The following SRPK2 variants were observed in gnomAD, a reference collection of about 807,000 sequenced individuals.
SRPK2 encodes the protein SRSF protein kinase 2, also known as SFRS protein kinase 2.
A neutral mutation model predicts 90.8 loss-of-function variants in SRPK2; 21 were observed. The ratio of observed to expected loss-of-function variants is 0.23; its 90% confidence interval spans 0.16 to 0.33. The LOEUF is 0.33. Among genes scored for constraint, SRPK2 ranks in the 10% least tolerant of loss-of-function variants. The pLI is 1.00. For synonymous variants in SRPK2, 288 were observed against 311.1 expected (o/e 0.93, Z 0.78); for missense variants, 620 against 869.0 (o/e 0.71, Z 3.60).
At chr7:105,354,936 C>T (rs1817615381) in intron 2 of SRPK2, among the ~76,000 whole-genome samples, 1 of 152,124 alleles carries the variant, frequency 6.6e-6, no homozygotes, top group Non-Finnish European at 1.5e-5. Flanking sequence ...CATAAATCTA[C>T]TTTCTGTCTC....
chr7:105,199,310 A>G (rs1259710064), intron 3 of SRPK2, among the ~76,000 whole-genome samples: 1 of 152,048 alleles, frequency 6.6e-6, no homozygotes, highest in African/African-American at 2.4e-5. Context: ...ATTTTTTTTT[A>G]ATTGTATTTT....
At chr7:105,210,256 A>G (rs1254286688) in intron 2 of SRPK2, among the ~76,000 whole-genome samples, 1 of 152,220 alleles carries the variant, frequency 6.6e-6, no homozygotes, top group Non-Finnish European at 1.5e-5. Context: ...AATCAAACAT[A>G]AAGAAAAGGA....
intron 2 of SRPK2, among the ~76,000 whole-genome samples, chr7:105,347,062 C>CTT (rs540861532): frequency 2.7e-4 from 38 of 140,286 alleles, no homozygotes; most frequent in South Asian, 4.6e-4. Flanking sequence ...GATAGACTGG[C>CTT]TTTTTTTTTT....
chr7:105,247,533 C>CACACACACACATAA (rs1801859839), intron 2 of SRPK2, among the ~76,000 whole-genome samples: 1 of 94,382 alleles, frequency 1.1e-5, no homozygotes, highest in South Asian at 3.2e-4. Context: ...CACACATAAA[C>CACACACACACATAA]ACACACACAC....
At chr7:105,115,275 T>C (rs1274326306), downstream of SRPK2, 2 of 152,244 alleles carry the variant, frequency 1.3e-5, no homozygotes, top group African/African-American at 4.8e-5. Context: ...AATGGAAAGT[T>C]TCCTTACTTT....
chr7:105,320,079 T>G (rs775557075), intron 2 of SRPK2, among the ~76,000 whole-genome samples: 4 of 152,224 alleles, frequency 2.6e-5, no homozygotes, highest in Admixed American at 6.5e-5. Flanking sequence ...TATTAAATCT[T>G]CACACAGTTA....
intron 2 of SRPK2, among the ~76,000 whole-genome samples, chr7:105,382,215 G>C (rs1225917782): frequency 6.6e-6 from 1 of 150,480 alleles, no homozygotes; most frequent in Non-Finnish European, 1.5e-5. Flanking sequence ...TTTAGCCTGT[G>C]AATAAACTGT....
intron 2 of SRPK2, among the ~76,000 whole-genome samples, chr7:105,254,468 C>T (rs1216528207): frequency 6.6e-6 from 1 of 152,180 alleles, no homozygotes; most frequent in Admixed American, 6.5e-5. Context: ...AAGACTCAAT[C>T]AATAAAATTA....
chr7:105,264,996 A>G (rs1186027631), intron 2 of SRPK2, among the ~76,000 whole-genome samples: 2 of 152,214 alleles, frequency 1.3e-5, no homozygotes, highest in Non-Finnish European at 2.9e-5. Context: ...AGAAATAGCA[A>G]TAAAGTTTGA....
At chr7:105,248,881 G>A (rs1451900004) in intron 2 of SRPK2, among the ~76,000 whole-genome samples, 3 of 150,096 alleles carry the variant, frequency 2.0e-5, no homozygotes, top group Non-Finnish European at 4.4e-5. Flanking sequence ...AGCCGAGATC[G>A]TGCCACTGCA....
chr7:105,259,400 A>G (rs551004635), intron 2 of SRPK2, among the ~76,000 whole-genome samples: 11 of 152,374 alleles, frequency 7.2e-5, no homozygotes, highest in Non-Finnish European at 1.6e-4. Context: ...AACAAATGGA[A>G]AAAACATTCC....
intron 13 of SRPK2, among the ~76,000 whole-genome samples, chr7:105,130,803 CA>C (rs397976737): frequency 0.021 from 2,655 of 128,542 alleles, 83 homozygotes; most frequent in African/African-American, 0.068. Context: ...TGCCCCTTTC[CA>C]AAAAAAAAAA....
At chr7:105,157,973 G>T (rs1212462938) in intron 7 of SRPK2, among the ~76,000 whole-genome samples, 1 of 152,180 alleles carries the variant, frequency 6.6e-6, no homozygotes, top group Non-Finnish European at 1.5e-5. Context: ...GGCTGAGGTG[G>T]GAGGATCACT....
chr7:105,244,395 C>G (rs1801277641), intron 2 of SRPK2, among the ~76,000 whole-genome samples: 11 of 152,180 alleles, frequency 7.2e-5, no homozygotes. Flanking sequence ...CATGGTGAAA[C>G]CCTGTGTCTA....
intron 2 of SRPK2, among the ~76,000 whole-genome samples, chr7:105,288,061 TCTG>T (rs1226462347): frequency 2.0e-5 from 3 of 152,132 alleles, no homozygotes; most frequent in Non-Finnish European, 4.4e-5. Context: ...AAAGCAATGC[TCTG>T]TTGGGATTCT....
At chr7:105,264,160 C>T (rs1259796558) in intron 2 of SRPK2, among the ~76,000 whole-genome samples, 1 of 152,132 alleles carries the variant, frequency 6.6e-6, no homozygotes, top group Non-Finnish European at 1.5e-5. Context: ...CATCTTGGTC[C>T]AGGATCCTTT....
At chr7:105,217,398 C>T (rs1353532041) in intron 2 of SRPK2, among the ~76,000 whole-genome samples, 1 of 152,204 alleles carries the variant, frequency 6.6e-6, no homozygotes, top group African/African-American at 2.4e-5. Flanking sequence ...CTGAGACTAG[C>T]ACCCATGAAA....
intron 2 of SRPK2, among the ~76,000 whole-genome samples, chr7:105,276,258 T>C (rs1312949885): frequency 6.6e-6 from 1 of 151,570 alleles, no homozygotes; most frequent in Admixed American, 6.6e-5. Context: ...TTTTTTTTTT[T>C]GGTAGAGACA....
intron 2 of SRPK2, among the ~76,000 whole-genome samples, chr7:105,320,080 C>G (rs1812775317): frequency 6.6e-6 from 1 of 152,146 alleles, no homozygotes; most frequent in South Asian, 2.1e-4. Context: ...ATTAAATCTT[C>G]ACACAGTTAC....
Sources: allele counts gnomAD v4.1 joint callset (sites outside exome capture counted in the v4.1 genomes callset), GRCh38; gene constraint gnomAD v4.1.1; transcripts MANE v1.5; gene names NCBI Gene and HGNC (gene_info 2026-07-23, HGNC 2026-07-21).